ABCA13: variants seen among roughly 807,000 people sequenced by gnomAD.
The protein encoded by ABCA13 is ATP-binding cassette sub-family A member 13.
ABCA13 carries 476 observed loss-of-function variants against 478.7 expected under a neutral mutation model. That is an observed-to-expected ratio of 0.99 (90% CI 0.92 to 1.07). ABCA13 has a LOEUF of 1.07. Among genes scored for constraint, ABCA13 ranks in the 50% least tolerant of loss-of-function variants. The pLI, the probability that ABCA13 is intolerant of heterozygous loss-of-function variation, is 0.00. For synonymous variants in ABCA13, 2,252 were observed against 2,158.9 expected (o/e 1.04, Z -1.20); for missense variants, 6,060 against 5,910.6 (o/e 1.03, Z -0.83).
intron 48 of ABCA13, among the ~76,000 whole-genome samples, chr7:48,499,454 A>C (rs1350830321): frequency 6.6e-6 from 1 of 152,234 alleles, no homozygotes; most frequent in Non-Finnish European, 1.5e-5. Flanking sequence ...GAGTACTTGA[A>C]TTGGAGACAT....
chr7:48,568,855 T>C (rs1452883094), intron 55 of ABCA13, among the ~76,000 whole-genome samples: 1 of 151,988 alleles, frequency 6.6e-6, no homozygotes, highest in East Asian at 1.9e-4. Context: ...ATTTGGTCAC[T>C]TTCAGTATTT....
rs549380586 is a variant in ABCA13 at position 48,494,646 on chromosome 7, T to C, written c.13291+5302T>C. ...ACAGAGAGGAGGACATTGCATACCT[T>C]GAGAGGGTGTTTTCATGGGGAGCAT... On this transcript the variant is annotated intron_variant, in intron 48 of 61. Transcript: ENST00000435803. Among the ~76,000 whole-genome samples the C allele has an allele frequency of 9.2e-5, 14 of 152,028 alleles. No homozygotes were observed. The East Asian group carries it at 2.5e-3, about 27-fold the overall frequency.
intron 15 of ABCA13, among the ~76,000 whole-genome samples, chr7:48,267,668 C>G (rs1243487948): frequency 1.3e-5 from 2 of 151,976 alleles, no homozygotes; most frequent in Non-Finnish European, 2.9e-5. Flanking sequence ...AAGCAAAAAC[C>G]ACAGTTACTT....
Position 48,272,247 on chromosome 7 carries a change from G to A in ABCA13, c.2581G>A (p.Val861Ile). 3.1e-6 allele frequency: 5 copies of A among 1,612,450 alleles called. No homozygotes were observed. Among genetic ancestry groups the A allele is most frequent in the Non-Finnish European group, 4.2e-6 (5 of 1,179,466 alleles). The change falls in exon 17 of 62, where the codon GTT becomes ATT. Residue 861 changes from valine (V) to isoleucine (I), a missense_variant. Around this residue, in one of 3 missense-constraint regions of ABCA13, gnomAD observed 4,423 missense variants for 4,309.1 expected, o/e 1.03. Transcript: ENST00000435803. ...ENFFTLLNFS[V>I]PENEILSTSF... ...CTTCTTTACACTTTTAAATTTTTCTGTTCCAGAAAATGAGATTCTGAGTAC... is the reference window on the plus strand; with the variant it reads ...CTTCTTTACACTTTTAAATTTTTCTATTCCAGAAAATGAGATTCTGAGTAC...
chr7:48,214,573 G>T (rs1786161206), intron 3 of ABCA13, among the ~76,000 whole-genome samples: 1 of 152,138 alleles, frequency 6.6e-6, no homozygotes, highest in South Asian at 2.1e-4. Flanking sequence ...AATTATTTTA[G>T]CTAGATCTTC....
At chr7:48,228,669 C>G (rs1788608629) in intron 6 of ABCA13, among the ~76,000 whole-genome samples, 1 of 152,100 alleles carries the variant, frequency 6.6e-6, no homozygotes, top group Non-Finnish European at 1.5e-5. Flanking sequence ...CTGAGGATCA[C>G]AAAATTCTAA....
At chr7:48,329,155 AG>A (rs372634135) in intron 27 of ABCA13, among the ~76,000 whole-genome samples, 4 of 152,354 alleles carry the variant, frequency 2.6e-5, no homozygotes, top group African/African-American at 9.6e-5. Context: ...GTATGAGTGA[AG>A]AAAAACAGAA....
intron 55 of ABCA13, among the ~76,000 whole-genome samples, chr7:48,568,211 A>G (rs1452323974): frequency 6.6e-6 from 1 of 152,192 alleles, no homozygotes; most frequent in East Asian, 1.9e-4. Flanking sequence ...TCAACCATTA[A>G]TTTACTTTCT....
At chr7:48,291,694 T>C (rs1470146752) in intron 20 of ABCA13, among the ~76,000 whole-genome samples, 2 of 152,074 alleles carry the variant, frequency 1.3e-5, no homozygotes, top group African/African-American at 2.4e-5. Flanking sequence ...GACCTGAGGG[T>C]CCATGGCAAC....
chr7:48,172,561 C>T (rs932989713), intron 1 of ABCA13, among the ~76,000 whole-genome samples: 1 of 151,846 alleles, frequency 6.6e-6, no homozygotes, highest in African/African-American at 2.4e-5. Flanking sequence ...TTTGGGAGGC[C>T]GAGGCGGGCG....
At chr7:48,266,384 A>G (rs545604080) in intron 15 of ABCA13, among the ~76,000 whole-genome samples, 1 of 151,908 alleles carries the variant, frequency 6.6e-6, no homozygotes, top group African/African-American at 2.4e-5. Flanking sequence ...TCACTAATGA[A>G]GCCATCTAGG....
chr7:48,267,984 G>A (rs1356314289), intron 15 of ABCA13, among the ~76,000 whole-genome samples: 2 of 151,992 alleles, frequency 1.3e-5, no homozygotes, highest in African/African-American at 4.8e-5. Flanking sequence ...GGCAGGACTG[G>A]CAAAGTGCTC....
Position 48,352,181 on chromosome 7 carries a change from G to C in ABCA13, c.10382G>C (p.Ser3461Thr), listed in dbSNP as rs775208364. The change falls in exon 31 of 62, where the codon AGT becomes ACT. Residue 3461 changes from serine (S) to threonine (T), a missense_variant and splice_region_variant. Transcript: ENST00000435803. ...ELLQQNSFLA[S>T]IIFSNSLFDK... ...TTCGTTTTTCCTTTTCTGCCACTAG[G>C]TATCATTTTCAGCAATTCCTTATTC... The C allele has an allele frequency of 2.5e-6, 4 of 1,602,250 alleles. No individual in the cohort carries two copies. In the African/African-American group the frequency reaches 5.4e-5, roughly 22 times the overall value.
intron 58 of ABCA13, among the ~76,000 whole-genome samples, chr7:48,602,351 T>C (rs1260054432): frequency 6.6e-6 from 1 of 152,168 alleles, no homozygotes. Flanking sequence ...GTTTTTATGG[T>C]TTTAGGTCTT....
chr7:48,366,245 T>C (rs1013089723), intron 31 of ABCA13, among the ~76,000 whole-genome samples: 1 of 152,088 alleles, frequency 6.6e-6, no homozygotes, highest in African/African-American at 2.4e-5. Context: ...CCTTGCCCTT[T>C]TTTTTCCTTT....
At chr7:48,461,128 C>T (rs900713243) in intron 43 of ABCA13, among the ~76,000 whole-genome samples, 2 of 152,134 alleles carry the variant, frequency 1.3e-5, no homozygotes, top group Non-Finnish European at 2.9e-5. Context: ...TCTTCTTATT[C>T]TTAGTAAATA....
At chr7:48,181,680 A>T (rs1353980865) in intron 1 of ABCA13, among the ~76,000 whole-genome samples, 2 of 151,700 alleles carry the variant, frequency 1.3e-5, no homozygotes, top group African/African-American at 4.9e-5. Flanking sequence ...CTCTTTTTGG[A>T]CTTCCTATGC....
rs572966282 is a variant in ABCA13 at position 48,572,179 on chromosome 7, C to CAAATA, written c.14355-8034_14355-8030dup. ...TGGGTGATGGAGTGAAACTTTGTCT[C>CAAATA]AAATAAAATAAAATACATATTTTAT... On this transcript the variant is annotated intron_variant, in intron 55 of 61. Coordinates refer to ENST00000435803, the MANE Select transcript of ABCA13 (RefSeq NM_152701.5). Among the ~76,000 whole-genome samples, 66 of 152,114 alleles carry CAAATA rather than the reference C, an allele frequency of 4.3e-4. 1 individual carries two copies. The South Asian group carries it at 9.1e-3, about 21-fold the overall frequency.
rs137972064 is a variant in ABCA13 at position 48,271,499 on chromosome 7, T to C, written c.2121-288T>C. 1.1e-3 allele frequency among the ~76,000 whole-genome samples: 164 copies of C among 152,332 alleles called. 3 individuals carry two copies. The highest frequency in any genetic ancestry group is 3.7e-3 in the African/African-American group (155 of 41,574). ...ATTCTTCTGGCATAAATAGCAAACT[T>C]ATCTTTAATAATCATACATATTATT... On this transcript the variant is annotated intron_variant, in intron 16 of 61. Coordinates refer to ENST00000435803, the MANE Select transcript of ABCA13 (RefSeq NM_152701.5).
Sources: gnomAD v4.1 joint callset for allele counts (sites outside exome capture counted in the v4.1 genomes callset) on GRCh38, gnomAD v4.1.1 for gene constraint, gnomAD v4.1.1 regional missense constraint, MANE v1.5 for transcripts, NCBI Gene and HGNC (gene_info 2026-07-23, HGNC 2026-07-21) for gene names.